Variants in SAFB observed in about 807,000 individuals in gnomAD.
The protein encoded by SAFB is scaffold attachment factor B1.
Under a neutral mutation model 101.6 loss-of-function variants are expected in SAFB, and 15 were observed. The ratio of observed to expected loss-of-function variants is 0.15; its 90% CI spans 0.10 to 0.23. The LOEUF (loss-of-function observed/expected upper bound fraction) is 0.23. SAFB is among the 10% of genes least tolerant of loss of function. The pLI, the probability that SAFB is intolerant of heterozygous loss-of-function variation, is 1.00. For missense variants in SAFB, 930 were observed against 1,104.1 expected (o/e 0.84, Z 2.23); for synonymous variants, 449 against 407.5 (o/e 1.10, Z -1.23).
chr19:5,654,497 T>C (rs1304389850), intron 13 of SAFB, 41 bp downstream of exon 13: 3 of 1,196,868 alleles, frequency 2.5e-6, no homozygotes, highest in Admixed American at 3.4e-5. Flanking sequence ...TGCTCTTCTT[T>C]TCAGTTTGTA....
chr19:5,632,801 A>C (rs1053168798), intron 2 of SAFB, among the ~76,000 whole-genome samples: 10 of 152,138 alleles, frequency 6.6e-5, no homozygotes, highest in Admixed American at 4.6e-4. Flanking sequence ...GCAATGGTGC[A>C]ATTGTAGGTC....
At chr19:5,653,469 T>G in intron 11 of SAFB, 49 bp downstream of exon 11, 1 of 1,548,820 alleles carries the variant, frequency 6.5e-7, no homozygotes, top group Non-Finnish European at 8.8e-7. Context: ...TTTTTTGTTG[T>G]TGTTGTTTTG....
At chr19:5,630,793 T>C (rs1282863496) in intron 2 of SAFB, among the ~76,000 whole-genome samples, 2 of 151,768 alleles carry the variant, frequency 1.3e-5, no homozygotes, top group Non-Finnish European at 2.9e-5. Flanking sequence ...CTGTTATATA[T>C]AGAAAGAATA....
intron 15 of SAFB, among the ~76,000 whole-genome samples, chr19:5,662,413 G>C (rs945101542): frequency 6.6e-6 from 1 of 151,654 alleles, no homozygotes; most frequent in Non-Finnish European, 1.5e-5. Context: ...AAAATCGCGT[G>C]TACCCAGGAG....
At chr19:5,636,526 G>T (rs1346695890) in intron 2 of SAFB, among the ~76,000 whole-genome samples, 2 of 151,990 alleles carry the variant, frequency 1.3e-5, no homozygotes, top group Non-Finnish European at 2.9e-5. Context: ...CAGTTTGATA[G>T]TCCCCTATCT....
At chr19:5,640,515 G>A (rs1397400498) in intron 2 of SAFB, among the ~76,000 whole-genome samples, 2 of 151,788 alleles carry the variant, frequency 1.3e-5, no homozygotes, top group South Asian at 4.2e-4. Context: ...ACAAGTGCAC[G>A]AGATTGGCAC....
Position 5,668,151 on chromosome 19 carries a change from T to C in SAFB, c.2625-11T>C, listed in dbSNP as rs762682557. 2 of 1,605,600 alleles carry C rather than the reference T, an allele frequency of 1.2e-6. No individual in the cohort carries two copies. The highest frequency in any genetic ancestry group is 1.7e-6 in the Non-Finnish European group (2 of 1,176,902). The stretch of plus-strand genomic sequence containing the variant: ...GACTTCGCAGTCAAACCAATGTGAA[T>C]TTGTTCCTAGGCGCGGCAGCTTTGC... On this transcript the variant is annotated splice_polypyrimidine_tract_variant and intron_variant, in intron 20 of 20. Coordinates refer to ENST00000588852, the MANE Select transcript of SAFB (RefSeq NM_001201338.2).
intron 7 of SAFB, 184 bp from the exon 8 acceptor site, chr19:5,649,742 T>A: frequency 1.3e-6 from 1 of 786,626 alleles, no homozygotes; most frequent in Non-Finnish European, 2.0e-6. Flanking sequence ...CCAGCAGAAT[T>A]AATTAACTCC....
chr19:5,654,323 G>T, intron 12 of SAFB, 45 bp from the exon 13 acceptor site: 1 of 1,589,772 alleles, frequency 6.3e-7, no homozygotes, highest in Non-Finnish European at 8.6e-7. Context: ...TTCTCATCTG[G>T]GTATTCTTGG....
intron 5 of SAFB, among the ~76,000 whole-genome samples, chr19:5,645,854 T>A (rs1375872021): frequency 6.6e-6 from 1 of 152,208 alleles, no homozygotes; most frequent in Non-Finnish European, 1.5e-5. Context: ...GTTCTGGTCT[T>A]GTCTTTGGGA....
Position 5,654,139 on chromosome 19 carries a change from G to T in SAFB, c.1605G>T (p.Lys535Asn). Residue 535 changes from lysine to asparagine, a missense_variant, in exon 12 of 21, where the codon AAG becomes AAT. By Grantham distance (94) the Lys-to-Asn change is moderately conservative (BLOSUM62 0). Coordinates refer to ENST00000588852, the MANE Select transcript of SAFB (RefSeq NM_001201338.2). Reference protein sequence around the residue: ...AKKGDDGSGEKSKDQDDQKPG... With the variant: ...AKKGDDGSGENSKDQDDQKPG... Reference sequence around the variant, plus strand: ...AGGGTGACGACGGAAGTGGAGAAAAGAGTAAGGACCAAGATGATCAGAAAC... The same window carrying T: ...AGGGTGACGACGGAAGTGGAGAAAATAGTAAGGACCAAGATGATCAGAAAC... The T allele has an allele frequency of 6.2e-7, 1 of 1,614,214 alleles. No homozygotes were observed. The highest frequency in any genetic ancestry group is 8.5e-7 in the Non-Finnish European group (1 of 1,180,026).
chr19:5,667,039 T>C lies in SAFB; in HGVS notation c.2335-7T>C. The C allele has an allele frequency of 6.4e-7, 1 of 1,563,542 alleles. No homozygotes were observed. The highest frequency in any genetic ancestry group is 8.8e-7 in the Non-Finnish European group (1 of 1,134,280). ...TTTTTTTTCCCTTCTGGCTCTGTGA[T>C]GTCCAGCATTACCCAGAACGCCATG... On this transcript the variant is annotated splice_polypyrimidine_tract_variant and splice_region_variant and intron_variant, in intron 17 of 20. Transcript: ENST00000588852. The surrounding 1 kb of genome is among the most constrained non-coding windows in gnomAD (Gnocchi z 4.0).
rs2053997822 is a variant in SAFB at position 5,653,983 on chromosome 19, C to T, written c.1527-78C>T. 26 of 1,411,690 alleles carry T rather than the reference C, an allele frequency of 1.8e-5. 2 individuals are homozygous for T. The highest frequency in any genetic ancestry group is 1.4e-4 in the South Asian group (11 of 81,472). 87.4% of individuals were successfully genotyped at this position (1,411,690 alleles called of 1,614,324 possible). ...CTCGAACTCCCGGTCTCATGTGATCCGCCCGCCTCATCCCCCCAAAGTGCT... is the reference window on the plus strand; with the variant it reads ...CTCGAACTCCCGGTCTCATGTGATCTGCCCGCCTCATCCCCCCAAAGTGCT... On this transcript the variant is annotated intron_variant, in intron 11 of 20. Coordinates refer to ENST00000588852, the MANE Select transcript of SAFB (RefSeq NM_001201338.2).
chr19:5,652,774 C>G (rs1023504336), intron 9 of SAFB, among the ~76,000 whole-genome samples: 1 of 151,702 alleles, frequency 6.6e-6, no homozygotes, highest in African/African-American at 2.4e-5. Context: ...TACATCACTT[C>G]ATAATTTACC....
At position 5,653,323 on chromosome 19, in the gene SAFB, G is replaced by C; in HGVS notation, c.1444-15G>C. On this transcript the variant is annotated splice_polypyrimidine_tract_variant and intron_variant, in intron 10 of 20. Coordinates refer to ENST00000588852, the MANE Select transcript of SAFB (RefSeq NM_001201338.2). Reference sequence around the variant, plus strand: ...ACATTAGGAAATGGGGGTAATACTTGATTCTCTTTTTCAGGCCAAAAATGA... The same window carrying C: ...ACATTAGGAAATGGGGGTAATACTTCATTCTCTTTTTCAGGCCAAAAATGA... The C allele has an allele frequency of 6.2e-7, 1 of 1,614,060 alleles. No individual in the cohort carries two copies. Among genetic ancestry groups the C allele is most frequent in the Non-Finnish European group, 8.5e-7 (1 of 1,179,974 alleles).
chr19:5,647,886 C>G (rs969689380), intron 5 of SAFB, 130 bp from the exon 6 acceptor site: 1 of 822,214 alleles, frequency 1.2e-6, no homozygotes, highest in Non-Finnish European at 2.1e-6. Context: ...GCAGGTTCTC[C>G]ACCTCTTGAG....
chr19:5,667,187 T>A lies in SAFB; in HGVS notation c.2453+23T>A, dbSNP rs2054348279. On this transcript the variant is annotated intron_variant, in intron 18 of 20. Transcript: ENST00000588852. This position sits in a 1 kb window ranked among gnomAD's most constrained non-coding sequence, Gnocchi z 4.0. ...CAGGTTTGTGTCCCACACCCGACAGTACCTGACCCCCCCCCCGCCCACAAG... is the reference window on the plus strand; with the variant it reads ...CAGGTTTGTGTCCCACACCCGACAGAACCTGACCCCCCCCCCGCCCACAAG... 1 of 1,400,296 alleles carries A rather than the reference T, an allele frequency of 7.1e-7. No homozygotes were observed. The highest frequency in any genetic ancestry group is 9.9e-7 in the Non-Finnish European group (1 of 1,007,588). 86.7% of individuals were successfully genotyped at this position (1,400,296 alleles called of 1,614,324 possible).
chr19:5,653,344 A>G lies in SAFB; in HGVS notation c.1450A>G (p.Asn484Asp). The change falls in exon 11 of 21, where the codon AAT (asparagine) becomes GAT (aspartate). Residue 484 changes from asparagine to aspartate, a missense_variant. This residue lies in a region of SAFB where 92 missense variants were observed against 83.8 expected (regional missense o/e 1.10). Transcript: ENST00000588852. ...ACTTGATTCTCTTTTTCAGGCCAAA[A>G]ATGAACCTGTGGGAAAGAAAACCTC... Reference protein sequence around the residue: ...GKMISVEKAKNEPVGKKTSDK... With the variant: ...GKMISVEKAKDEPVGKKTSDK... The G allele has an allele frequency of 3.7e-6, 6 of 1,614,160 alleles. No homozygotes were observed. The highest frequency in any genetic ancestry group is 4.2e-6 in the Non-Finnish European group (5 of 1,180,016).
At chr19:5,642,651 C>CTTTCTTTTTTTTTT (rs1555696821) in intron 4 of SAFB, among the ~76,000 whole-genome samples, 1 of 70,842 alleles carries the variant, frequency 1.4e-5, no homozygotes, top group East Asian at 5.8e-4. Context: ...CCCTTCCTTT[C>CTTTCTTTTTTTTTT]TTTTTTTTTT....
Sources: gnomAD v4.1 joint callset for allele counts (sites outside exome capture counted in the v4.1 genomes callset) on GRCh38, gnomAD v4.1.1 for gene constraint, gnomAD v4.1.1 regional missense constraint, Gnocchi (gnomAD v3.1) non-coding constraint, MANE v1.5 for transcripts, NCBI Gene and HGNC (gene_info 2026-07-23, HGNC 2026-07-21) for gene names.